GRB2: variants seen among roughly 807,000 people sequenced by gnomAD.
The protein encoded by GRB2 is growth factor receptor-bound protein 2.
Under a neutral mutation model 27.4 loss-of-function variants are expected in GRB2, and 2 were observed. The ratio of observed to expected loss-of-function variants is 0.07; its 90% CI spans 0.03 to 0.23. The LOEUF (loss-of-function observed/expected upper bound fraction) is 0.23. Ranked by LOEUF, GRB2 falls within the 10% of genes least tolerant of loss-of-function variation. The pLI is 1.00. For synonymous variants in GRB2, 94 were observed against 99.6 expected, an observed-to-expected ratio of 0.94 and a Z score of 0.33; for missense variants, 102 against 282.4, an observed-to-expected ratio of 0.36 and a Z score of 4.58.
intron 2 of GRB2, among the ~76,000 whole-genome samples, chr17:75,381,995 C>T (rs979527071): frequency 6.6e-6 from 1 of 151,838 alleles, no homozygotes; most frequent in African/African-American, 2.4e-5. Context: ...GAGGCTGAGG[C>T]GGGTGGATCA....
At chr17:75,340,950 G>T (rs9912608) in intron 2 of GRB2, among the ~76,000 whole-genome samples, 1 of 151,924 alleles carries the variant, frequency 6.6e-6, no homozygotes, top group Non-Finnish European at 1.5e-5. Context: ...TGCTCACCCA[G>T]GAACACAGAG....
intron 2 of GRB2, among the ~76,000 whole-genome samples, chr17:75,391,461 C>T (rs2078997726): frequency 1.3e-5 from 2 of 152,264 alleles, no homozygotes; most frequent in South Asian, 4.1e-4. Flanking sequence ...TGTTCATGGT[C>T]TAGGTCTAGG....
chr17:75,321,434 C>T (rs1483046850), intron 5 of GRB2, among the ~76,000 whole-genome samples: 1 of 152,096 alleles, frequency 6.6e-6, no homozygotes, highest in Non-Finnish European at 1.5e-5. Flanking sequence ...GCCTCGGCCT[C>T]CCAAAGTGCT....
At chr17:75,354,429 A>G (rs2078717178) in intron 2 of GRB2, among the ~76,000 whole-genome samples, 1 of 152,008 alleles carries the variant, frequency 6.6e-6, no homozygotes, top group Non-Finnish European at 1.5e-5. Flanking sequence ...CAACCGGCTA[A>G]TTTTTCTATT....
intron 2 of GRB2, among the ~76,000 whole-genome samples, chr17:75,370,052 A>G (rs1488975555): frequency 2.6e-5 from 4 of 152,232 alleles, no homozygotes; most frequent in Non-Finnish European, 2.9e-5. Context: ...TGAATGCTTA[A>G]AAGTGATGCT....
chr17:75,384,101 A>C (rs1394102542), intron 2 of GRB2, among the ~76,000 whole-genome samples: 1 of 152,172 alleles, frequency 6.6e-6, no homozygotes, highest in African/African-American at 2.4e-5. Flanking sequence ...TTCCACATCC[A>C]GAAGGAGGTA....
chr17:75,373,116 G>A (rs1259506785), intron 2 of GRB2: 1 of 152,104 alleles, frequency 6.6e-6, no homozygotes, highest in Non-Finnish European at 1.5e-5. Flanking sequence ...GCGTGGTGGT[G>A]GGCACCTGTA....
chr17:75,349,785 T>C (rs941793679), intron 2 of GRB2, among the ~76,000 whole-genome samples: 1 of 151,960 alleles, frequency 6.6e-6, no homozygotes, highest in Non-Finnish European at 1.5e-5. Flanking sequence ...CTCCCAAAAT[T>C]TGTAATCCTG....
At chr17:75,404,416 T>A (rs1172017787) in intron 1 of GRB2, among the ~76,000 whole-genome samples, 1 of 149,892 alleles carries the variant, frequency 6.7e-6, no homozygotes, top group African/African-American at 2.5e-5. Flanking sequence ...GGAAAGAGAG[T>A]CTCTTCCCGA....
intron 2 of GRB2, chr17:75,338,794 C>T (rs1284630631): frequency 2.8e-6 from 2 of 707,388 alleles, no homozygotes; most frequent in East Asian, 2.6e-5. Context: ...TAAAAATATA[C>T]AAGTCCTTTC....
chr17:75,355,877 G>A (rs2078729410), intron 2 of GRB2, among the ~76,000 whole-genome samples: 1 of 142,716 alleles, frequency 7.0e-6, no homozygotes, highest in South Asian at 2.2e-4. Flanking sequence ...AGGTTGGAGT[G>A]TGGAGTACAG....
At chr17:75,340,066 A>T (rs1406448761) in intron 2 of GRB2, among the ~76,000 whole-genome samples, 2 of 152,250 alleles carry the variant, frequency 1.3e-5, no homozygotes, top group Non-Finnish European at 2.9e-5. Flanking sequence ...CTGTAAATGA[A>T]TAAAAAATAG....
At chr17:75,395,416 T>C (rs2079023346) in intron 1 of GRB2, among the ~76,000 whole-genome samples, 1 of 152,208 alleles carries the variant, frequency 6.6e-6, no homozygotes, top group Non-Finnish European at 1.5e-5. Flanking sequence ...CTGCGAATAT[T>C]TATACTTGTG....
rs1447418828 is a variant in GRB2, at chr17:75,328,705, G to A, written c.177-2685C>T. On this transcript the variant is annotated intron_variant, in intron 3 of 5. Transcript: ENST00000316804. ...TGTAATCCCAGCACTTTGGGAGGCC[G>A]AGGCGGGCGGGTCACAAAGTCAGGA... Among the ~76,000 whole-genome samples, 4 of 152,056 alleles carry A rather than the reference G, an allele frequency of 2.6e-5. No homozygotes were observed. In the East Asian group the frequency reaches 5.8e-4, roughly 22 times the overall value.
chr17:75,322,067 A>G (rs191259814), intron 4 of GRB2, among the ~76,000 whole-genome samples: 4 of 152,198 alleles, frequency 2.6e-5, no homozygotes. Context: ...CTCATTCTGA[A>G]GATGTTTGTA....
At chr17:75,326,157 C>A (rs554099827) in intron 3 of GRB2, 137 bp from the exon 4 acceptor site, 4 of 954,040 alleles carry the variant, frequency 4.2e-6, no homozygotes, top group African/African-American at 3.2e-5. Context: ...CTCACAGTGC[C>A]CAAGATCGAC....
At chr17:75,369,850 CG>C (rs890799018) in intron 2 of GRB2, among the ~76,000 whole-genome samples, 1 of 95,002 alleles carries the variant, frequency 1.1e-5, no homozygotes, top group African/African-American at 2.6e-5. Context: ...ACAGAGACTC[CG>C]TCTCAAAAAA....
intron 2 of GRB2, among the ~76,000 whole-genome samples, chr17:75,386,275 C>T (rs981457593): frequency 2.0e-5 from 3 of 152,098 alleles, no homozygotes; most frequent in Admixed American, 6.5e-5. Context: ...CACACCACCA[C>T]GCCCAGCTAA....
intron 2 of GRB2, among the ~76,000 whole-genome samples, chr17:75,353,393 T>TG (rs1454849811): frequency 6.6e-6 from 1 of 152,066 alleles, no homozygotes; most frequent in African/African-American, 2.4e-5. Flanking sequence ...CTCAAACCTC[T>TG]GTTGCTCAAG....
Sources: gnomAD v4.1 joint callset for allele counts (sites outside exome capture counted in the v4.1 genomes callset) on GRCh38, gnomAD v4.1.1 for gene constraint, MANE v1.5 for transcripts, NCBI Gene and HGNC (gene_info 2026-07-23, HGNC 2026-07-21) for gene names.